DOCK9: variants seen among roughly 807,000 people sequenced by gnomAD.
The protein encoded by DOCK9 is dedicator of cytokinesis 9.
A neutral mutation model predicts 263.3 loss-of-function variants in DOCK9; 89 were observed. The ratio of observed to expected loss-of-function variants is 0.34; its 90% CI spans 0.28 to 0.40. The LOEUF is 0.40. Ranked by LOEUF, DOCK9 falls within the 10% of genes least tolerant of loss-of-function variation. DOCK9 has a pLI of 1.00. For synonymous variants in DOCK9, 976 were observed against 973.1 expected, an observed-to-expected ratio of 1.00 and a Z score of -0.06; for missense variants, 2,140 against 2,603.4, an observed-to-expected ratio of 0.82 and a Z score of 3.87.
chr13:99,086,749 G>T (rs1221245449), upstream of DOCK9: 1 of 147,382 alleles, frequency 6.8e-6, no homozygotes, highest in Non-Finnish European at 1.5e-5. Context: ...AGGGGCCGCC[G>T]CGGCGGGACG....
At chr13:98,809,874 G>C (rs1020783243) in intron 46 of DOCK9, among the ~76,000 whole-genome samples, 8 of 152,202 alleles carry the variant, frequency 5.3e-5, no homozygotes, top group Non-Finnish European at 4.4e-5. Context: ...TCAGAAAAGG[G>C]ACAACTGGTG....
intron 1 of DOCK9, among the ~76,000 whole-genome samples, chr13:99,001,284 G>C (rs887007799): frequency 2.8e-4 from 42 of 152,320 alleles, no homozygotes; most frequent in African/African-American, 9.4e-4. Flanking sequence ...TTTGTTCTCA[G>C]TGAGGGACTT....
Position 98,794,542 on chromosome 13 carries a change from G to T in DOCK9, c.*84C>A. On this transcript the variant is annotated 3_prime_UTR_variant, in exon 53 of 53. Transcript: ENST00000682017. ...CTTCCCCTTGGTCCTCCCTGTGCTC[G>T]GTCTCCCCAGTGATTGGCTTTGGAA... is the stretch of plus-strand genomic sequence containing the variant. 3 of 1,441,010 alleles carry T rather than the reference G, an allele frequency of 2.1e-6. No individual in the cohort carries two copies. The highest frequency in any genetic ancestry group is 2.3e-5 in the Admixed American group (1 of 44,430). 89.3% of individuals were successfully genotyped at this position (1,441,010 alleles called of 1,614,324 possible).
At chr13:98,806,952 T>C (rs1384922918) in intron 48 of DOCK9, among the ~76,000 whole-genome samples, 1 of 152,050 alleles carries the variant, frequency 6.6e-6, no homozygotes, top group Non-Finnish European at 1.5e-5. Flanking sequence ...GAAAAAGCCA[T>C]TTGGCCATTC....
At chr13:99,052,297 A>C (rs2040733521) in intron 1 of DOCK9, among the ~76,000 whole-genome samples, 2 of 151,984 alleles carry the variant, frequency 1.3e-5, no homozygotes, top group South Asian at 4.2e-4. Flanking sequence ...CCCACTACTC[A>C]CTGCCTGGCC....
intron 13 of DOCK9, among the ~76,000 whole-genome samples, chr13:98,900,573 G>A (rs1384368178): frequency 6.6e-6 from 1 of 152,194 alleles, no homozygotes; most frequent in East Asian, 1.9e-4. Context: ...GACTGGGGCT[G>A]TAATAAATGA....
intron 2 of DOCK9, chr13:98,949,714 T>G: frequency 3.6e-6 from 1 of 279,210 alleles, no homozygotes. Flanking sequence ...TCAGATATTC[T>G]GGGTTGGGTT....
intron 30 of DOCK9, chr13:98,867,189 G>C: frequency 1.8e-6 from 1 of 558,720 alleles, no homozygotes; most frequent in South Asian, 1.9e-5. Context: ...TTAAGCAAAG[G>C]GATTTTTCAA....
intron 13 of DOCK9, among the ~76,000 whole-genome samples, chr13:98,901,494 G>A (rs571090926): frequency 3.1e-4 from 47 of 152,158 alleles, no homozygotes; most frequent in Non-Finnish European, 5.4e-4. Context: ...TATCATACAT[G>A]TACCTTCTAA....
chr13:98,975,472 T>TACATAC (rs1555436475), intron 1 of DOCK9, among the ~76,000 whole-genome samples: 1 of 142,414 alleles, frequency 7.0e-6, no homozygotes, highest in Non-Finnish European at 1.5e-5. Flanking sequence ...TCTAAACACA[T>TACATAC]ACACACACAC....
chr13:98,883,255 C>T (rs543286177), intron 22 of DOCK9, 124 bp from the exon 23 acceptor site: 22 of 878,060 alleles, frequency 2.5e-5, no homozygotes, highest in Non-Finnish European at 3.2e-5. Context: ...GTTGTTGTTG[C>T]TGTTTTTTTT....
intron 1 of DOCK9, among the ~76,000 whole-genome samples, chr13:98,963,583 C>T (rs1197514140): frequency 6.6e-6 from 1 of 152,136 alleles, no homozygotes; most frequent in African/African-American, 2.4e-5. Flanking sequence ...GCTGAAATCC[C>T]AAATGCCACT....
chr13:98,918,253 C>A (rs969032445), intron 7 of DOCK9, among the ~76,000 whole-genome samples: 10 of 152,220 alleles, frequency 6.6e-5, no homozygotes, highest in Non-Finnish European at 1.2e-4. Context: ...CCAAAAAGAG[C>A]CCTGCCATCT....
intron 1 of DOCK9, among the ~76,000 whole-genome samples, chr13:99,032,951 C>T (rs1887503363): frequency 1.3e-5 from 2 of 152,194 alleles, no homozygotes; most frequent in African/African-American, 4.8e-5. Flanking sequence ...AATTTCACTT[C>T]ATTAAACACT....
Position 98,977,944 on chromosome 13 carries a change from C to A in DOCK9, c.-35G>T. ...AAAACGCAAGTCAGAAAGTCTGCAA[C>A]TGGAACAGCTGCGAGTCCCTGGCCG... On this transcript the variant is annotated 5_prime_UTR_variant, in exon 1 of 53. Transcript: ENST00000682017. 6.5e-7 allele frequency: 1 copy of A among 1,549,684 alleles called. No homozygotes were observed. Among genetic ancestry groups the A allele is most frequent in the East Asian group, 2.4e-5 (1 of 41,634 alleles).
intron 49 of DOCK9, among the ~76,000 whole-genome samples, chr13:98,800,866 G>T (rs2090035160): frequency 6.6e-6 from 1 of 152,152 alleles, no homozygotes; most frequent in South Asian, 2.1e-4. Flanking sequence ...AACAGATTAA[G>T]TCCAGAAAAT....
chr13:98,972,531 T>C (rs1042852906), intron 1 of DOCK9, among the ~76,000 whole-genome samples: 2 of 152,150 alleles, frequency 1.3e-5, no homozygotes, highest in African/African-American at 4.8e-5. Flanking sequence ...CCTGGCATGG[T>C]AATTAGATTC....
At chr13:98,931,400 G>A (rs1174909255) in intron 2 of DOCK9, among the ~76,000 whole-genome samples, 6 of 151,866 alleles carry the variant, frequency 4.0e-5, no homozygotes, top group Non-Finnish European at 5.9e-5. Context: ...CCGGGTTCAC[G>A]CCATTCTTCT....
At chr13:98,942,300 G>A (rs1323271605) in intron 2 of DOCK9, among the ~76,000 whole-genome samples, 9 of 148,790 alleles carry the variant, frequency 6.0e-5, no homozygotes, top group Non-Finnish European at 1.3e-4. Flanking sequence ...GTACAGTGGC[G>A]CGATCTTGGC....
Sources: gnomAD v4.1 joint callset for allele counts (sites outside exome capture counted in the v4.1 genomes callset) on GRCh38, gnomAD v4.1.1 for gene constraint, MANE v1.5 for transcripts, NCBI Gene and HGNC (gene_info 2026-07-23, HGNC 2026-07-21) for gene names.